The following SKI variants were observed in gnomAD, a reference collection of about 807,000 sequenced individuals.
SKI encodes the protein ski oncogene.
In SKI, 23 loss-of-function variants were observed where a neutral mutation model predicts 59.3. The ratio of observed to expected loss-of-function variants is 0.39; its 90% CI spans 0.28 to 0.55. SKI has a LOEUF of 0.55. Among genes scored for constraint, SKI ranks in the 20% least tolerant of loss-of-function variants. SKI has a pLI of 0.67. For synonymous variants in SKI, 673 were observed against 488.6 expected (o/e 1.38, Z -4.98); for missense variants, 1,017 against 1,038.9 (o/e 0.98, Z 0.29).
At chr1:2,266,405 C>G (rs1443573236) in intron 1 of SKI, among the ~76,000 whole-genome samples, 1 of 152,196 alleles carries the variant, frequency 6.6e-6, no homozygotes, top group Non-Finnish European at 1.5e-5. Flanking sequence ...AGCCGCCATG[C>G]TCTCCCTGAA....
chr1:2,251,507 C>T lies in SKI; in HGVS notation c.969+21772C>T, dbSNP rs139300431. Among the ~76,000 whole-genome samples the T allele has an allele frequency of 7.2e-5, 11 of 152,286 alleles. No individual in the cohort carries two copies. The South Asian group carries it at 1.2e-3, about 17-fold the overall frequency. On this transcript the variant is annotated intron_variant, in intron 1 of 6. Transcript: ENST00000378536. ...GCGCCCTCACGTCCCACCACAGTGACGTATGGTGTGTTCACTCCTGTCCTG... is the reference window on the plus strand; with the variant it reads ...GCGCCCTCACGTCCCACCACAGTGATGTATGGTGTGTTCACTCCTGTCCTG...
intron 1 of SKI, among the ~76,000 whole-genome samples, chr1:2,252,677 G>A (rs551732502): frequency 1.3e-5 from 2 of 152,162 alleles, no homozygotes; most frequent in Non-Finnish European, 2.9e-5. Flanking sequence ...CCTCACAGCT[G>A]TCCCCAAACG....
intron 1 of SKI, among the ~76,000 whole-genome samples, chr1:2,286,503 A>C (rs1640042877): frequency 6.6e-6 from 1 of 152,252 alleles, no homozygotes; most frequent in Non-Finnish European, 1.5e-5. Context: ...TCTTTAAAAA[A>C]TCATAAAATG....
intron 5 of SKI, among the ~76,000 whole-genome samples, chr1:2,304,908 A>G (rs755083598): frequency 3.3e-5 from 5 of 152,234 alleles, no homozygotes; most frequent in African/African-American, 4.8e-5. Flanking sequence ...TTTCTCTGGT[A>G]TAAGGGAGGC....
rs866255311 is a variant in SKI, at chr1:2,269,994, G to C, written c.970-32984G>C. 8.6e-3 allele frequency among the ~76,000 whole-genome samples: 1,278 copies of C among 148,074 alleles called. 8 individuals are homozygous for C. The highest frequency in any genetic ancestry group is 0.012 in the African/African-American group (498 of 39,904). ...TGGCTGGCGTGGGTCTGGCGGGTCT[G>C]GTGGTGCCTGTGGCTGGCGTGGGTC... is the stretch of plus-strand genomic sequence containing the variant. On this transcript the variant is annotated intron_variant, in intron 1 of 6. Transcript: ENST00000378536. The surrounding 1 kb of genome is among the most constrained non-coding windows in gnomAD (Gnocchi z 4.7).
chr1:2,247,387 A>AG (rs1355397420), intron 1 of SKI, among the ~76,000 whole-genome samples: 2 of 152,334 alleles, frequency 1.3e-5, no homozygotes, highest in Non-Finnish European at 2.9e-5. Context: ...GCCTGTTTGC[A>AG]GCGTGCTTCT....
intron 1 of SKI, among the ~76,000 whole-genome samples, chr1:2,265,509 C>T (rs1639483866): frequency 6.6e-6 from 1 of 152,174 alleles, no homozygotes; most frequent in Admixed American, 6.5e-5. Context: ...ATGTGGAATA[C>T]ACTGTAATAA....
chr1:2,303,010 C>T lies in SKI; in HGVS notation c.1002C>T (p.Pro334=), dbSNP rs762798560. The T allele has an allele frequency of 6.8e-6, 11 of 1,613,702 alleles. No homozygotes were observed. The South Asian group carries it at 1.2e-4, about 18-fold the overall frequency. The change falls in exon 2 of 7, where the codon CCC becomes CCT. Residue 334 remains proline, a synonymous_variant. Coordinates refer to ENST00000378536, the MANE Select transcript of SKI (RefSeq NM_003036.4). The surrounding 1 kb of genome is among the most constrained non-coding windows in gnomAD (Gnocchi z 5.6). ...CTGAGCCTCCGGCCTCCATAAGACC[C>T]AAAACAGATGACACCTCTTCCCAGT... The part of the protein sequence containing the change: ...VSSEPPASIR[P]KTDDTSSQSP...
chr1:2,291,020 C>T (rs1207166320), intron 1 of SKI, among the ~76,000 whole-genome samples: 1 of 152,216 alleles, frequency 6.6e-6, no homozygotes, highest in Non-Finnish European at 1.5e-5. Context: ...CGGGCCGCGC[C>T]TCCCACCAGC....
At chr1:2,293,306 G>C (rs1640207135) in intron 1 of SKI, among the ~76,000 whole-genome samples, 1 of 152,194 alleles carries the variant, frequency 6.6e-6, no homozygotes, top group Admixed American at 6.5e-5. Flanking sequence ...CTGGGTGGCT[G>C]CCCTGTGTGC....
intron 1 of SKI, among the ~76,000 whole-genome samples, chr1:2,271,504 C>G (rs1639618550): frequency 6.6e-6 from 1 of 152,208 alleles, no homozygotes; most frequent in Non-Finnish European, 1.5e-5. Context: ...ATTAAGCGCT[C>G]AGATGCTGGC....
At chr1:2,257,333 C>T (rs1472829443) in intron 1 of SKI, among the ~76,000 whole-genome samples, 1 of 152,272 alleles carries the variant, frequency 6.6e-6, no homozygotes, top group African/African-American at 2.4e-5. Flanking sequence ...GCTGACGTGC[C>T]AATGGCTGCA....
In SKI at chr1:2,306,810, G is replaced by C. The variant is rs559655649; in HGVS notation, c.*45G>C. 32 of 1,386,434 alleles carry C rather than the reference G, an allele frequency of 2.3e-5. No homozygotes were observed. In the Admixed American group the frequency reaches 2.5e-4, roughly 11 times the overall value. The allele number at this position is 1,386,434 out of a possible 1,614,324, so 85.9% of individuals were successfully genotyped here. A position where few individuals can be genotyped will look rare whatever the true frequency, so the allele number is the denominator to read the frequency against. The stretch of plus-strand genomic sequence containing the variant: ...AGCGCCGCCGACAACGCGGGTGCAG[G>C]GGGGCGCGGCTGGGCGGTGCAGCTC... On this transcript the variant is annotated 3_prime_UTR_variant, in exon 7 of 7. Transcript: ENST00000378536.
At chr1:2,279,197 C>A (rs541451809) in intron 1 of SKI, among the ~76,000 whole-genome samples, 41 of 152,230 alleles carry the variant, frequency 2.7e-4, no homozygotes, top group Non-Finnish European at 5.4e-4. Context: ...TGGCCCTGAT[C>A]TCTGAGCGGG....
At chr1:2,288,274 A>G (rs1336065360) in intron 1 of SKI, among the ~76,000 whole-genome samples, 1 of 151,922 alleles carries the variant, frequency 6.6e-6, no homozygotes, top group Non-Finnish European at 1.5e-5. Context: ...GGTGTGCACC[A>G]CCATTCCCAG....
At chr1:2,271,364 C>G (rs1404004458) in intron 1 of SKI, among the ~76,000 whole-genome samples, 1 of 152,028 alleles carries the variant, frequency 6.6e-6, no homozygotes, top group African/African-American at 2.4e-5. Context: ...CAGCCTCTCC[C>G]GCCGGGAGAG....
chr1:2,305,938 G>T (rs929463313), intron 5 of SKI, 82 bp from the exon 6 acceptor site: 5 of 1,071,560 alleles, frequency 4.7e-6, no homozygotes, highest in African/African-American at 1.6e-5. Context: ...GACCCCACGG[G>T]GTGGGCTGAG....
At chr1:2,252,154 T>C (rs1156446925) in intron 1 of SKI, among the ~76,000 whole-genome samples, 1 of 152,200 alleles carries the variant, frequency 6.6e-6, no homozygotes, top group Non-Finnish European at 1.5e-5. Flanking sequence ...GCTCTTCAGA[T>C]GTGGAGGGTT....
At chr1:2,285,645 A>G (rs1264909325) in intron 1 of SKI, among the ~76,000 whole-genome samples, 3 of 144,978 alleles carry the variant, frequency 2.1e-5, no homozygotes, top group East Asian at 2.2e-4. Flanking sequence ...GCTCACTACA[A>G]CCTCCGCCTC....
Sources: allele counts gnomAD v4.1 joint callset (sites outside exome capture counted in the v4.1 genomes callset), GRCh38; gene constraint gnomAD v4.1.1; non-coding constraint Gnocchi (gnomAD v3.1); transcripts MANE v1.5; gene names NCBI Gene and HGNC (gene_info 2026-07-23, HGNC 2026-07-21).